VWF: variants seen among roughly 807,000 people sequenced by gnomAD.
VWF encodes the protein Factor VIII related antigen.
VWF carries 176 observed loss-of-function variants against 308.6 expected under a neutral mutation model. The observed-to-expected ratio is 0.57, with a 90% CI of 0.50 to 0.65. VWF has a LOEUF of 0.65. Ranked by LOEUF, VWF falls within the 30% of genes least tolerant of loss-of-function variation. The pLI, the probability that VWF is intolerant of heterozygous loss-of-function variation, is 0.00. For missense variants in VWF, 3,146 were observed against 3,648.2 expected, an observed-to-expected ratio of 0.86 and a Z score of 3.55; for synonymous variants, 1,385 against 1,443.4, an observed-to-expected ratio of 0.96 and a Z score of 0.92.
intron 42 of VWF, among the ~76,000 whole-genome samples, chr12:5,979,469 G>A (rs1168113554): frequency 5.3e-5 from 8 of 152,214 alleles, no homozygotes; most frequent in Admixed American, 5.2e-4. Context: ...TGGGATAGCT[G>A]GGCCAGGCAT....
chr12:6,052,638 C>T lies in VWF; in HGVS notation c.2091G>A (p.Glu697=). Residue 697 remains glutamate (E), a synonymous_variant, in exon 16 of 52, where the codon GAG becomes GAA. Coordinates refer to ENST00000261405, the MANE Select transcript of VWF (RefSeq NM_000552.5). ...CFCPPGLYMD[E]RGDCVPKAQC... Reference sequence around the variant, plus strand: ...GGGCCTTGGGCACGCAGTCCCCCCTCTCATCCATGTAGAGCCCTGGGGGGC... The same window carrying T: ...GGGCCTTGGGCACGCAGTCCCCCCTTTCATCCATGTAGAGCCCTGGGGGGC... 1 of 1,614,278 alleles carries T rather than the reference C, an allele frequency of 6.2e-7. No homozygotes were observed. The highest frequency in any genetic ancestry group is 2.2e-5 in the East Asian group (1 of 44,890).
intron 5 of VWF, among the ~76,000 whole-genome samples, chr12:6,100,281 T>TACAC (rs1178920150): frequency 6.7e-6 from 1 of 149,136 alleles, no homozygotes; most frequent in East Asian, 1.9e-4. Context: ...GGAACACTTT[T>TACAC]ACACTGTTGG....
intron 3 of VWF, among the ~76,000 whole-genome samples, chr12:6,111,329 T>C (rs1221785109): frequency 6.6e-6 from 1 of 152,172 alleles, no homozygotes; most frequent in African/African-American, 2.4e-5. Flanking sequence ...GGCAACACTG[T>C]GAGTTACTGG....
intron 34 of VWF, among the ~76,000 whole-genome samples, chr12:6,010,244 T>A (rs1943979242): frequency 6.6e-6 from 1 of 152,144 alleles, no homozygotes; most frequent in African/African-American, 2.4e-5. Context: ...CACTCATCAT[T>A]AGAGAAATGA....
At position 6,018,978 on chromosome 12, in the gene VWF, C is replaced by G. The variant is rs771126175; in HGVS notation, c.4440G>C (p.Pro1480=). The G allele has an allele frequency of 6.2e-7, 1 of 1,613,888 alleles. No individual in the cohort carries two copies. Among genetic ancestry groups the G allele is most frequent in the Non-Finnish European group, 8.5e-7 (1 of 1,179,848 alleles). The change falls in exon 28 of 52, where the codon CCG becomes CCC. Residue 1480 remains proline, a synonymous_variant. Coordinates refer to ENST00000261405, the MANE Select transcript of VWF (RefSeq NM_000552.5). ...CCAGGGTCGAAACCCCCAAGAGCCCCGGGCCCACAGTGACTTGTGCCATGT... is the reference window on the plus strand; with the variant it reads ...CCAGGGTCGAAACCCCCAAGAGCCCGGGGCCCACAGTGACTTGTGCCATGT... The part of the protein sequence containing the change: ...PPDMAQVTVG[P]GLLGVSTLGP...
chr12:6,086,137 G>A (rs76356040), intron 6 of VWF, among the ~76,000 whole-genome samples: 1,684 of 152,240 alleles, frequency 0.011, 18 homozygotes, highest in Non-Finnish European at 0.017. Flanking sequence ...CTCAGAGAGG[G>A]AAGACTGAGA....
intron 6 of VWF, among the ~76,000 whole-genome samples, chr12:6,078,305 C>A (rs1225670275): frequency 6.6e-6 from 1 of 152,188 alleles, no homozygotes; most frequent in Non-Finnish European, 1.5e-5. Flanking sequence ...TTCTCCAGAA[C>A]AAAGTGAGTT....
At chr12:6,081,038 T>C (rs1398018105) in intron 6 of VWF, among the ~76,000 whole-genome samples, 1 of 152,190 alleles carries the variant, frequency 6.6e-6, no homozygotes, top group Non-Finnish European at 1.5e-5. Flanking sequence ...CGGGGGGCTA[T>C]TGGCTCATAG....
chr12:6,096,154 T>TGGATGGATGGATGGAC (rs1555074261), intron 5 of VWF, among the ~76,000 whole-genome samples: 4 of 148,320 alleles, frequency 2.7e-5, no homozygotes, highest in Admixed American at 6.7e-5. Context: ...GATGGATGGA[T>TGGATGGATGGATGGAC]GGACGGTTAC....
chr12:5,998,969 T>C (rs1013225259), intron 34 of VWF, among the ~76,000 whole-genome samples: 1 of 152,192 alleles, frequency 6.6e-6, no homozygotes, highest in African/African-American at 2.4e-5. Context: ...CCTCGTGATC[T>C]GCCTTGACCT....
At chr12:5,995,912 A>G in intron 35 of VWF, 90 bp downstream of exon 35, 1 of 1,221,868 alleles carries the variant, frequency 8.2e-7, no homozygotes, top group Non-Finnish European at 1.2e-6. Context: ...TCCTAACAAG[A>G]GCATCAACTA....
chr12:5,962,795 T>G (rs1943334645), intron 47 of VWF, among the ~76,000 whole-genome samples: 1 of 152,172 alleles, frequency 6.6e-6, no homozygotes, highest in Admixed American at 6.5e-5. Flanking sequence ...GTGATCCACC[T>G]GCCTCAGCCT....
chr12:6,036,153 C>T (rs1008654250), intron 19 of VWF, among the ~76,000 whole-genome samples: 11 of 152,192 alleles, frequency 7.2e-5, no homozygotes, highest in Admixed American at 4.6e-4. Context: ...CCAAGCATTT[C>T]GGATAAGGGC....
At chr12:6,041,321 T>C (rs141040328) in intron 18 of VWF, among the ~76,000 whole-genome samples, 6,000 of 151,362 alleles carry the variant, frequency 0.04, 146 homozygotes, top group Middle Eastern at 0.068. Flanking sequence ...TCCCAGCTAC[T>C]CAGAAGGCTG....
chr12:5,961,160 G>A (rs1039542286), intron 47 of VWF, among the ~76,000 whole-genome samples: 1 of 152,136 alleles, frequency 6.6e-6, no homozygotes, highest in Admixed American at 6.5e-5. Context: ...AGGAAAACAA[G>A]CTCAGGGCTC....
intron 6 of VWF, among the ~76,000 whole-genome samples, chr12:6,093,981 C>CA (rs1284790664): frequency 5.3e-5 from 8 of 152,212 alleles, no homozygotes; most frequent in Non-Finnish European, 1.2e-4. Flanking sequence ...GCAGTCCTCC[C>CA]AGCCTTGTCA....
At chr12:5,966,875 C>T (rs1246726923) in intron 47 of VWF, among the ~76,000 whole-genome samples, 2 of 152,208 alleles carry the variant, frequency 1.3e-5, no homozygotes, top group Non-Finnish European at 2.9e-5. Context: ...TCAAAACTTC[C>T]CAGTGAGGTG....
At chr12:6,119,866 A>G (rs1367761289) in intron 3 of VWF, among the ~76,000 whole-genome samples, 1 of 152,148 alleles carries the variant, frequency 6.6e-6, no homozygotes, top group Non-Finnish European at 1.5e-5. Flanking sequence ...AAATAAATAC[A>G]TAATCTTCAG....
intron 10 of VWF, among the ~76,000 whole-genome samples, chr12:6,070,532 C>T (rs1944768236): frequency 2.0e-5 from 3 of 152,242 alleles, no homozygotes; most frequent in Admixed American, 1.3e-4. Flanking sequence ...TTTAACCTCT[C>T]TAGGTCTGTT....
Sources: gnomAD v4.1 joint callset for allele counts (sites outside exome capture counted in the v4.1 genomes callset) on GRCh38, gnomAD v4.1.1 for gene constraint, MANE v1.5 for transcripts, NCBI Gene and HGNC (gene_info 2026-07-23, HGNC 2026-07-21) for gene names.